The following DDHD2 variants were observed in gnomAD, a reference collection of about 807,000 sequenced individuals.
DDHD2 encodes triacylglycerol hydrolase DDHD2.
In DDHD2, 62 loss-of-function variants were observed where a neutral mutation model predicts 91.2. The ratio of observed to expected loss-of-function variants is 0.68; its 90% CI spans 0.55 to 0.84. The LOEUF is 0.84. Ranked by LOEUF, DDHD2 falls within the 40% of genes least tolerant of loss-of-function variation. DDHD2 has a pLI of 0.00. For missense variants in DDHD2, 740 were observed against 846.9 expected, an observed-to-expected ratio of 0.87 and a Z score of 1.57; for synonymous variants, 271 against 293.9, an observed-to-expected ratio of 0.92 and a Z score of 0.80.
exon 2 of DDHD2, chr8:38,271,291 CTAAAA>C (rs1202153341): frequency 6.6e-6 from 1 of 151,980 alleles, no homozygotes. Flanking sequence ...TAAAAAGAAA[CTAAAA>C]TAAGGAGAAT....
At chr8:38,264,458 A>C, downstream of DDHD2, 1 of 1,548,778 alleles carries the variant, frequency 6.5e-7, no homozygotes, top group Non-Finnish European at 8.7e-7. Context: ...ATATCAAAAC[A>C]ATAAGAATCC....
chr8:38,237,651 C>A lies in DDHD2; in HGVS notation c.501+24C>A. 5 of 1,398,852 alleles carry A rather than the reference C, an allele frequency of 3.6e-6. No homozygotes were observed. In the South Asian group the frequency reaches 5.1e-5, roughly 14 times the overall value. 86.7% of individuals were successfully genotyped at this position (1,398,852 alleles called of 1,614,324 possible). The stretch of plus-strand genomic sequence containing the variant: ...AGGTAAAACAAAGCATTTCTCTTGT[C>A]GGGATAAAAAGTTAATTGCGCTATT... On this transcript the variant is annotated intron_variant, in intron 4 of 17. Transcript: ENST00000397166.
chr8:38,252,582 C>T (rs552790720), intron 13 of DDHD2, 140 bp from the exon 14 acceptor site: 13 of 686,602 alleles, frequency 1.9e-5, no homozygotes, highest in Non-Finnish European at 2.9e-5. Context: ...TTGAAGGCTA[C>T]AGTGAGCCAT....
intron 9 of DDHD2, among the ~76,000 whole-genome samples, chr8:38,246,627 A>G (rs1238818748): frequency 6.6e-6 from 1 of 152,202 alleles, no homozygotes; most frequent in East Asian, 1.9e-4. Context: ...GGATCACCTT[A>G]GGTCAGGAGT....
In DDHD2 at chr8:38,254,885, C is replaced by A. The variant is rs146251133; in HGVS notation, c.2054+1167C>A. ...CCTGAGTGACAGAGCGAGACCATGT[C>A]TGAAAAAAAATAGTATAAAATAATA... On this transcript the variant is annotated intron_variant, in intron 16 of 17. Transcript: ENST00000397166. Among the ~76,000 whole-genome samples the A allele has an allele frequency of 2.9e-3, 439 of 151,126 alleles. 1 individual carries two copies. Among genetic ancestry groups the A allele is most frequent in the African/African-American group, 0.01 (427 of 41,200 alleles).
chr8:38,234,839 C>G (rs2130745442), intron 3 of DDHD2, among the ~76,000 whole-genome samples: 1 of 150,736 alleles, frequency 6.6e-6, no homozygotes, highest in Admixed American at 6.6e-5. Flanking sequence ...GCGATCTTGG[C>G]TCACTGCAAC....
chr8:38,248,712 C>T (rs548674591), intron 10 of DDHD2, among the ~76,000 whole-genome samples: 29 of 151,690 alleles, frequency 1.9e-4, no homozygotes, highest in African/African-American at 6.8e-4. Context: ...TTTGGGAGGC[C>T]GAGGTGGGCA....
intron 7 of DDHD2, among the ~76,000 whole-genome samples, chr8:38,244,850 C>T (rs1437831811): frequency 6.6e-6 from 1 of 152,168 alleles, no homozygotes; most frequent in African/African-American, 2.4e-5. Flanking sequence ...AGGCGTGAGC[C>T]ACCGCTCCTG....
downstream of DDHD2, chr8:38,263,309 AG>A (rs955735505): frequency 1.9e-5 from 16 of 835,426 alleles, no homozygotes; most frequent in Non-Finnish European, 2.0e-5. Flanking sequence ...ATTGTGAAGA[AG>A]GGGCAGAAAA....
chr8:38,240,588 T>G (rs1171688306), intron 6 of DDHD2, among the ~76,000 whole-genome samples: 2 of 152,244 alleles, frequency 1.3e-5, no homozygotes, highest in Non-Finnish European at 2.9e-5. Context: ...GAACAAGCAG[T>G]TAATCCCTAT....
chr8:38,252,016 T>G lies in DDHD2; in HGVS notation c.1449T>G (p.Val483=). ...SNTRNGDYLD[V]GIGQVSVKYP... ...CTAGAAATGGTGACTATCTGGATGT[T>G]GGCATTGGGCAGGTAACTAATTCTC... Residue 483 remains valine, a synonymous_variant, in exon 12 of 18, where the codon GTT becomes GTG. Coordinates refer to ENST00000397166, the MANE Select transcript of DDHD2 (RefSeq NM_015214.3). 6.2e-7 allele frequency: 1 copy of G among 1,613,650 alleles called. No homozygotes were observed. Among genetic ancestry groups the G allele is most frequent in the Non-Finnish European group, 8.5e-7 (1 of 1,179,498 alleles).
chr8:38,267,173 A>G (rs15103), downstream of DDHD2: 3 of 1,607,454 alleles, frequency 1.9e-6, no homozygotes, highest in African/African-American at 2.7e-5. Context: ...TGTAGAAACA[A>G]GAGTAGTCAG....
Position 38,252,672 on chromosome 8 carries a change from C to T in DDHD2, c.1618-50C>T, listed in dbSNP as rs758560770. On this transcript the variant is annotated intron_variant, in intron 13 of 17. Coordinates refer to ENST00000397166, the MANE Select transcript of DDHD2 (RefSeq NM_015214.3). ...AAAAAAAAAAAAAGTTATATAGTTTCCAGACTGTGCTTAGCAGAGGTAAAT... is the reference window on the plus strand; with the variant it reads ...AAAAAAAAAAAAAGTTATATAGTTTTCAGACTGTGCTTAGCAGAGGTAAAT... The T allele has an allele frequency of 3.4e-5, 44 of 1,275,622 alleles. 1 individual carries two copies. The South Asian group carries it at 5.1e-4, about 15-fold the overall frequency. 79.0% of individuals were successfully genotyped at this position (1,275,622 alleles called of 1,614,324 possible).
chr8:38,244,332 G>A (rs1027731455), intron 7 of DDHD2, among the ~76,000 whole-genome samples: 2 of 151,834 alleles, frequency 1.3e-5, no homozygotes, highest in African/African-American at 2.4e-5. Flanking sequence ...GCACGGTCTC[G>A]GCTCACTGCA....
downstream of DDHD2, chr8:38,267,740 A>G: frequency 1.3e-6 from 1 of 759,160 alleles, no homozygotes; most frequent in Non-Finnish European, 2.1e-6. Flanking sequence ...GGACTGAGGT[A>G]TGGGGAAGGG....
chr8:38,253,395 AGAAGGAGCTT>A lies in DDHD2; in HGVS notation c.1892-153_1892-144del. 2.6e-6 allele frequency: 2 copies of A among 765,876 alleles called. 1 individual carries two copies. 47.4% of individuals were successfully genotyped at this position (765,876 alleles called of 1,614,324 possible). A position where few individuals can be genotyped will look rare whatever the true frequency, so the allele number is the denominator to read the frequency against. The stretch of plus-strand genomic sequence containing the variant: ...GATTGGACAAAATTACTGTGACCTG[AGAAGGAGCTT>A]GAAGGAGATTGAGAGGAGGAAGATG... On this transcript the variant is annotated intron_variant, in intron 15 of 17. Coordinates refer to ENST00000397166, the MANE Select transcript of DDHD2 (RefSeq NM_015214.3).
chr8:38,253,017 TG>T lies in DDHD2; in HGVS notation c.1782del (p.Arg595GlyfsTer59). ...CTTAAGAACAACTTGCTAGGTTCGCTGCGGATGGCCTGGAAGTCTTTTACCA... is the reference window on the plus strand; with the variant it reads ...CTTAAGAACAACTTGCTAGGTTCGCTCGGATGGCCTGGAAGTCTTTTACCA... Reference protein sequence around the residue: ...MDLKNNLLGSLRMAWKSFTRA... With the variant: ...MDLKNNLLGSXRMAWKSFTRA... On this transcript the variant is annotated frameshift_variant, in exon 15 of 18. Coordinates refer to ENST00000397166, the MANE Select transcript of DDHD2 (RefSeq NM_015214.3). LOFTEE classifies it high-confidence loss of function. 1 of 1,614,172 alleles carries T rather than the reference TG, an allele frequency of 6.2e-7. No homozygotes were observed. The highest frequency in any genetic ancestry group is 8.5e-7 in the Non-Finnish European group (1 of 1,180,028).
chr8:38,269,540 C>T (rs1217259017), intron 1 of DDHD2, among the ~76,000 whole-genome samples: 3 of 152,244 alleles, frequency 2.0e-5, no homozygotes, highest in African/African-American at 4.8e-5. Flanking sequence ...CCAAACAGCC[C>T]GCTCTCAGAT....
At chr8:38,265,467 ATT>A (rs1807451189), downstream of DDHD2, 1 of 151,394 alleles carries the variant, frequency 6.6e-6, no homozygotes, top group Non-Finnish European at 1.5e-5. Context: ...CTGATTTTGT[ATT>A]TTTAGTAGAG....
Sources: allele counts gnomAD v4.1 joint callset (sites outside exome capture counted in the v4.1 genomes callset), GRCh38; gene constraint gnomAD v4.1.1; transcripts MANE v1.5; gene names NCBI Gene and HGNC (gene_info 2026-07-23, HGNC 2026-07-21).